Variants in SETD2 observed in about 807,000 individuals in gnomAD.
SETD2 encodes SET domain containing 2, histone lysine methyltransferase, also known as histone-lysine N-methyltransferase SETD2.
Under a neutral mutation model 242.1 loss-of-function variants are expected in SETD2, and 31 were observed. The observed-to-expected ratio is 0.13, with a 90% CI of 0.10 to 0.17. The LOEUF (loss-of-function observed/expected upper bound fraction) is 0.17. SETD2 is among the 10% of genes least tolerant of loss of function. The pLI is 1.00. For synonymous variants in SETD2, 1,006 were observed against 1,066.5 expected (o/e 0.94, Z 1.11); for missense variants, 2,481 against 3,046.3 (o/e 0.81, Z 4.37).
chr3:47,041,014 A>G lies in SETD2; in HGVS notation c.7238+1547T>C, dbSNP rs1219571222. Among the ~76,000 whole-genome samples the G allele has an allele frequency of 4.6e-5, 7 of 152,306 alleles. 1 individual carries two copies. In the South Asian group the frequency reaches 6.2e-4, roughly 14 times the overall value. On this transcript the variant is annotated intron_variant, in intron 17 of 20. Coordinates refer to ENST00000409792, the MANE Select transcript of SETD2 (RefSeq NM_014159.7). The stretch of plus-strand genomic sequence containing the variant: ...TCCACTTCTAAGTACCCTCTCGAAG[A>G]AGTAGTAAGATTAGTGTCCCTAAGG...
intron 3 of SETD2, 141 bp from the exon 4 acceptor site, chr3:47,116,895 G>T: frequency 1.7e-6 from 1 of 582,018 alleles, no homozygotes; most frequent in Non-Finnish European, 2.9e-6. Context: ...CCAGGCCAGG[G>T]TGCAGTGATG....
chr3:47,136,434 T>TAAAATGACATCTCAC (rs367794332), intron 1 of SETD2, among the ~76,000 whole-genome samples: 142 of 152,202 alleles, frequency 9.3e-4, no homozygotes, highest in African/African-American at 3.2e-3. Context: ...TTCTCGATAA[T>TAAAATGACATCTCAC]AAAATGACAT....
At chr3:47,086,907 G>GT (rs1310340715) in intron 10 of SETD2, among the ~76,000 whole-genome samples, 6 of 151,888 alleles carry the variant, frequency 4.0e-5, no homozygotes, top group Admixed American at 3.9e-4. Context: ...GGATGTGGTG[G>GT]TGTGTGCCTG....
intron 15 of SETD2, among the ~76,000 whole-genome samples, chr3:47,049,335 A>C (rs868096608): frequency 8.4e-6 from 1 of 118,804 alleles, no homozygotes; most frequent in African/African-American, 4.2e-5. Context: ...ATATATATAT[A>C]TATATATATA....
intron 9 of SETD2, among the ~76,000 whole-genome samples, chr3:47,091,261 C>T (rs1216000268): frequency 6.6e-6 from 1 of 152,092 alleles, no homozygotes; most frequent in Non-Finnish European, 1.5e-5. Context: ...TTCTACTTTC[C>T]CCCTCAACTG....
intron 9 of SETD2, among the ~76,000 whole-genome samples, chr3:47,091,320 AC>A (rs2041794862): frequency 6.6e-6 from 1 of 152,190 alleles, no homozygotes; most frequent in Non-Finnish European, 1.5e-5. Context: ...GAAAATATTC[AC>A]AGGGCTAAAA....
intron 8 of SETD2, among the ~76,000 whole-genome samples, chr3:47,098,611 C>T (rs1390983670): frequency 6.6e-6 from 1 of 152,078 alleles, no homozygotes; most frequent in Non-Finnish European, 1.5e-5. Flanking sequence ...GCCTGGCCAA[C>T]ATGGTGAAAC....
intron 7 of SETD2, among the ~76,000 whole-genome samples, chr3:47,102,217 T>TGGA (rs368676527): frequency 6.6e-6 from 1 of 152,222 alleles, no homozygotes; most frequent in African/African-American, 2.4e-5. Context: ...ATGAAAACTC[T>TGGA]GGACTTGCAG....
intron 4 of SETD2, among the ~76,000 whole-genome samples, chr3:47,115,503 G>A (rs1446457293): frequency 6.6e-6 from 1 of 151,658 alleles, no homozygotes; most frequent in African/African-American, 2.4e-5. Flanking sequence ...ATTTTTTCAA[G>A]GTATATATAT....
Position 47,164,060 on chromosome 3 carries a change from C to A in SETD2, c.-136G>T. 8.3e-7 allele frequency: 1 copy of A among 1,206,516 alleles called. No individual in the cohort carries two copies. The highest frequency in any genetic ancestry group is 1.6e-5 in the African/African-American group (1 of 63,242). The allele number at this position is 1,206,516 out of a possible 1,614,324, so 74.7% of individuals were successfully genotyped here. ...CGGCGGCGGCAGGGGCGGCCCGCGT[C>A]GCTACCTCGCTCGTCGCTCCCTCCC... On this transcript the variant is annotated 5_prime_UTR_variant, in exon 1 of 21. Coordinates refer to ENST00000409792, the MANE Select transcript of SETD2 (RefSeq NM_014159.7). This position sits in a 1 kb window ranked among gnomAD's most constrained non-coding sequence, Gnocchi z 5.4.
At chr3:47,060,112 G>A (rs566338552) in intron 14 of SETD2, among the ~76,000 whole-genome samples, 7 of 152,228 alleles carry the variant, frequency 4.6e-5, no homozygotes, top group African/African-American at 4.8e-5. Flanking sequence ...CAAAAAAACC[G>A]GGCATCGTGG....
chr3:47,073,533 A>G (rs2040920105), intron 12 of SETD2, among the ~76,000 whole-genome samples: 1 of 152,186 alleles, frequency 6.6e-6, no homozygotes. Flanking sequence ...GGTGGGAAAG[A>G]GGAAGAAAAG....
rs555250394 is a variant in SETD2 at position 47,098,120 on chromosome 3, A to T, written c.5016-39T>A. 44 of 1,610,026 alleles carry T rather than the reference A, an allele frequency of 2.7e-5. No homozygotes were observed. In the South Asian group the frequency reaches 4.2e-4, roughly 15 times the overall value. On this transcript the variant is annotated intron_variant, in intron 8 of 20. Coordinates refer to ENST00000409792, the MANE Select transcript of SETD2 (RefSeq NM_014159.7). ...ATAGGAAAGAAGTCAGCTATGTGGA[A>T]GTAAACCATACAAAACTGTTGGCAA...
chr3:47,124,334 G>A lies in SETD2; in HGVS notation c.302C>T (p.Pro101Leu), dbSNP rs1479757135. ...CTGAAGAGGTACAGCTGGAGGGTTT[G>A]GAGTATCACTTTGCTTTTCATTGCC... ...ALGNEKQSDTPNPPAVPLQVD... is the reference protein window; with the variant it reads ...ALGNEKQSDTLNPPAVPLQVD... Residue 101 changes from proline (P) to leucine (L), a missense_variant, in exon 3 of 21, where the codon CCA becomes CTA. Physicochemically the swap from Pro to Leu is moderately conservative, Grantham distance 98. Around this residue, in one of 17 missense-constraint regions of SETD2, gnomAD observed 334 missense variants for 374.5 expected, o/e 0.89. Coordinates refer to ENST00000409792, the MANE Select transcript of SETD2 (RefSeq NM_014159.7). 2 of 1,551,730 alleles carry A rather than the reference G, an allele frequency of 1.3e-6. No individual in the cohort carries two copies. Among genetic ancestry groups the A allele is most frequent in the East Asian group, 2.4e-5 (1 of 40,928 alleles).
At chr3:47,070,988 A>G (rs899059959) in intron 12 of SETD2, among the ~76,000 whole-genome samples, 1 of 152,066 alleles carries the variant, frequency 6.6e-6, no homozygotes, top group Non-Finnish European at 1.5e-5. Context: ...CTCCTGTCTT[A>G]GCCTCCCGAA....
chr3:47,157,336 G>A (rs11708451), intron 1 of SETD2, among the ~76,000 whole-genome samples: 73,940 of 151,970 alleles, frequency 0.49, 19,475 homozygotes, highest in Non-Finnish European at 0.58. Flanking sequence ...TTGAGCCCAG[G>A]AGTTCAGTTA....
intron 8 of SETD2, among the ~76,000 whole-genome samples, chr3:47,101,009 CAAAAA>C (rs1164475680): frequency 6.5e-4 from 15 of 23,118 alleles, no homozygotes; most frequent in South Asian, 2.4e-3. Flanking sequence ...GAGTCCATCT[CAAAAA>C]AAAAAAAAAA....
chr3:47,102,772 CAAAAAAAAAA>C (rs5848821), intron 7 of SETD2, among the ~76,000 whole-genome samples: 2 of 97,910 alleles, frequency 2.0e-5, no homozygotes, highest in African/African-American at 4.1e-5. Context: ...CCAGCCTGGG[CAAAAAAAAAA>C]AAAAAAAAAA....
chr3:47,141,798 G>A (rs888108279), intron 1 of SETD2, among the ~76,000 whole-genome samples: 2 of 151,976 alleles, frequency 1.3e-5, no homozygotes, highest in South Asian at 2.1e-4. Flanking sequence ...GTACTCTTAC[G>A]GAACAAAAGC....
Sources: gnomAD v4.1 joint callset for allele counts (sites outside exome capture counted in the v4.1 genomes callset) on GRCh38, gnomAD v4.1.1 for gene constraint, gnomAD v4.1.1 regional missense constraint, Gnocchi (gnomAD v3.1) non-coding constraint, MANE v1.5 for transcripts, NCBI Gene and HGNC (gene_info 2026-07-23, HGNC 2026-07-21) for gene names.